The following NLGN4X variants were observed in gnomAD, a reference collection of about 807,000 sequenced individuals.
NLGN4X encodes neuroligin-4, X-linked.
Under a neutral mutation model 40.3 loss-of-function variants are expected in NLGN4X, and 3 were observed. The observed-to-expected ratio is 0.07, with a 90% confidence interval of 0.03 to 0.19. The LOEUF (loss-of-function observed/expected upper bound fraction) is 0.19, where lower values mean the gene tolerates loss of function less well. NLGN4X is among the 10% of genes least tolerant of loss of function. The pLI is 1.00. For synonymous variants in NLGN4X, 270 were observed against 306.8 expected, an observed-to-expected ratio of 0.88 and a Z score of 1.25; for missense variants, 382 against 708.3, an observed-to-expected ratio of 0.54 and a Z score of 5.23.
chrX:6,103,664 C>A (rs1026591201), intron 2 of NLGN4X, among the ~76,000 whole-genome samples: 1 of 111,886 alleles, frequency 8.9e-6, no homozygotes, highest in Non-Finnish European at 1.9e-5. Flanking sequence ...ATAGAGCTTT[C>A]CTGCTGGGTA....
chrX:5,970,177 A>AAAAT (rs200984969), intron 3 of NLGN4X, among the ~76,000 whole-genome samples: 6,628 of 108,799 alleles, frequency 0.061, 587 homozygotes, highest in African/African-American at 0.21. Context: ...AGTATAATAA[A>AAAAT]AAATAAATAA....
intron 3 of NLGN4X, among the ~76,000 whole-genome samples, chrX:5,979,413 A>T (rs1220844652): frequency 9.0e-6 from 1 of 110,631 alleles, no homozygotes; most frequent in Non-Finnish European, 1.9e-5. Context: ...ACAACAAAAA[A>T]ATTGCCAAAC....
chrX:6,135,682 T>C (rs2039799171), intron 2 of NLGN4X, among the ~76,000 whole-genome samples: 1 of 111,293 alleles, frequency 9.0e-6, no homozygotes, highest in Non-Finnish European at 1.9e-5. Flanking sequence ...CAACTAAAAT[T>C]AGGCCAGTAC....
chrX:6,056,407 C>G (rs1046963598), intron 2 of NLGN4X, among the ~76,000 whole-genome samples: 1 of 108,928 alleles, frequency 9.2e-6, no homozygotes, highest in Non-Finnish European at 1.9e-5. Context: ...ACCTGGGAGG[C>G]GGAGGTTGTA....
chrX:6,193,478 C>A (rs1602400114), intron 1 of NLGN4X, among the ~76,000 whole-genome samples: 1 of 75,070 alleles, frequency 1.3e-5, no homozygotes. Context: ...CATCTTAGCA[C>A]ATTGTTCCCT....
intron 3 of NLGN4X, among the ~76,000 whole-genome samples, chrX:5,924,364 G>GA (rs59353648): frequency 0.17 from 16,365 of 95,285 alleles, 1,153 homozygotes; most frequent in Non-Finnish European, 0.23. Flanking sequence ...AACATAAAAT[G>GA]AAAAAAAAAA....
At chrX:6,227,618 C>T (rs1299017636) in intron 1 of NLGN4X, 1 of 110,824 alleles carries the variant, frequency 9.0e-6, no homozygotes, top group African/African-American at 3.3e-5. Context: ...CCACCCGCCT[C>T]GAAACCCACA....
At chrX:6,218,163 G>C (rs955674361) in intron 1 of NLGN4X, among the ~76,000 whole-genome samples, 2 of 110,984 alleles carry the variant, frequency 1.8e-5, no homozygotes, top group African/African-American at 6.6e-5. Flanking sequence ...TCAAGGCTAG[G>C]ACAAACCTAC....
intron 2 of NLGN4X, among the ~76,000 whole-genome samples, chrX:6,147,157 G>A (rs2040066456): frequency 9.0e-6 from 1 of 111,456 alleles, no homozygotes; most frequent in Non-Finnish European, 1.9e-5. Flanking sequence ...GATGAAGAAT[G>A]GAAGGGCTTC....
At chrX:5,924,977 T>C (rs1258728660) in intron 3 of NLGN4X, among the ~76,000 whole-genome samples, 1 of 109,931 alleles carries the variant, frequency 9.1e-6, no homozygotes, top group Non-Finnish European at 1.9e-5. Flanking sequence ...TGTAAGCAAA[T>C]ACCACTTGTT....
At chrX:5,992,285 C>T (rs748577695) in intron 3 of NLGN4X, among the ~76,000 whole-genome samples, 2 of 111,986 alleles carry the variant, frequency 1.8e-5, no homozygotes, top group Non-Finnish European at 3.8e-5. Flanking sequence ...ATTGCTATAA[C>T]GGAATACCTG....
At chrX:6,073,539 T>C (rs761878911) in intron 2 of NLGN4X, among the ~76,000 whole-genome samples, 119 of 111,599 alleles carry the variant, frequency 1.1e-3, no homozygotes, top group Admixed American at 3.4e-3. Flanking sequence ...GTGAAGAAAA[T>C]GTACTATGCA....
chrX:6,077,813 T>C (rs1366969293), intron 2 of NLGN4X, among the ~76,000 whole-genome samples: 2 of 111,777 alleles, frequency 1.8e-5, no homozygotes, highest in African/African-American at 6.5e-5. Context: ...CCAGGATTCA[T>C]AGAAAGGTAT....
chrX:5,909,196 C>G lies in NLGN4X; in HGVS notation c.669G>C (p.Gly223=). Reference sequence around the variant, plus strand: ...GCAGTGCTTGAATCTGATCCAGGAGCCCATAGTTGCCTTTTGCTGCCTGGT... The same window carrying G: ...GCAGTGCTTGAATCTGATCCAGGAGGCCATAGTTGCCTTTTGCTGCCTGGT... ...TGDQAAKGNY[G]LLDQIQALRW... Residue 223 remains glycine, a synonymous_variant, in exon 4 of 6, where the codon GGG becomes GGC. Coordinates refer to ENST00000381095, the MANE Select transcript of NLGN4X (RefSeq NM_181332.3). 1 of 1,211,682 alleles carries G rather than the reference C, an allele frequency of 8.3e-7. No individual in the cohort carries two copies. The highest frequency in any genetic ancestry group is 2.2e-5 in the Admixed American group (1 of 46,007).
At chrX:6,060,809 C>T (rs1205830933) in intron 2 of NLGN4X, among the ~76,000 whole-genome samples, 1 of 112,028 alleles carries the variant, frequency 8.9e-6, no homozygotes, top group East Asian at 2.8e-4. Context: ...ATAAGGCTGA[C>T]TCTCACCCAT....
intron 3 of NLGN4X, among the ~76,000 whole-genome samples, chrX:5,978,319 T>C (rs868021784): frequency 1.3e-5 from 1 of 78,694 alleles, no homozygotes; most frequent in African/African-American, 8.1e-5. Flanking sequence ...TTTCTTTCTT[T>C]CTTTCTTTCT....
chrX:6,010,545 T>TATTATTATTATTA (rs1569184098), intron 3 of NLGN4X, among the ~76,000 whole-genome samples: 4 of 105,552 alleles, frequency 3.8e-5, no homozygotes, highest in Non-Finnish European at 7.8e-5. Context: ...TTATTATTAT[T>TATTATTATTATTA]TTAGACGAAG....
chrX:6,015,235 T>C (rs1410719593), intron 3 of NLGN4X, among the ~76,000 whole-genome samples: 1 of 112,048 alleles, frequency 8.9e-6, no homozygotes, highest in Non-Finnish European at 1.9e-5. Flanking sequence ...ATGGAAGTTG[T>C]TATACCATGT....
chrX:6,032,801 C>T, intron 2 of NLGN4X: 1 of 861,373 alleles, frequency 1.2e-6, no homozygotes, highest in East Asian at 3.4e-5. Flanking sequence ...AATTCAAAAA[C>T]AACAGGTTTT....
Sources: allele counts gnomAD v4.1 joint callset (sites outside exome capture counted in the v4.1 genomes callset), GRCh38; gene constraint gnomAD v4.1.1; transcripts MANE v1.5; gene names NCBI Gene and HGNC (gene_info 2026-07-23, HGNC 2026-07-21).